ARMC3: variants seen among roughly 807,000 people sequenced by gnomAD.
ARMC3 encodes armadillo repeat containing 3, also known as armadillo repeat-containing protein 3.
ARMC3 carries 74 observed loss-of-function variants against 90.3 expected under a neutral mutation model. The observed-to-expected ratio is 0.82, with a 90% CI of 0.68 to 0.99. The LOEUF is 0.99. Ranked by LOEUF, ARMC3 falls within the 50% of genes least tolerant of loss-of-function variation. The pLI, the probability that ARMC3 is intolerant of heterozygous loss-of-function variation, is 0.00. For missense variants in ARMC3, 958 were observed against 1,042.8 expected (o/e 0.92, Z 1.12); for synonymous variants, 334 against 361.8 (o/e 0.92, Z 0.87).
chr10:22,978,300 T>C (rs1475969796), intron 8 of ARMC3, among the ~76,000 whole-genome samples: 1 of 152,188 alleles, frequency 6.6e-6, no homozygotes, highest in African/African-American at 2.4e-5. Flanking sequence ...AGGAAACTTA[T>C]AATCATGGCA....
intron 10 of ARMC3, among the ~76,000 whole-genome samples, chr10:22,996,749 C>T (rs534827020): frequency 1.3e-5 from 2 of 152,168 alleles, no homozygotes; most frequent in Non-Finnish European, 1.5e-5. Flanking sequence ...ACACCTATGG[C>T]TACCAGTCTC....
At position 22,928,121 on chromosome 10, in the gene ARMC3, G is replaced by A. The variant is rs137988681; in HGVS notation, c.-2+15G>A. 2,698 of 152,754 alleles carry A rather than the reference G, an allele frequency of 0.018. 38 individuals are homozygous for A. Among genetic ancestry groups the A allele is most frequent in the Middle Eastern group, 0.037 (11 of 300 alleles). 9.5% of individuals were successfully genotyped at this position (152,754 alleles called of 1,614,324 possible). A position where few individuals can be genotyped will look rare whatever the true frequency, so the allele number is the denominator to read the frequency against. ...TCTCCCGGCAGGTAAAGGTAACCCC[G>A]TGGGGTGGGGAGGCCCAAGGCAGAG... On this transcript the variant is annotated intron_variant, in intron 1 of 18. Transcript: ENST00000298032.
chr10:22,982,995 G>A (rs1588877959), intron 10 of ARMC3, among the ~76,000 whole-genome samples: 1 of 152,260 alleles, frequency 6.6e-6, no homozygotes, highest in East Asian at 1.9e-4. Flanking sequence ...TACAATCTTT[G>A]ACACAGTAAT....
intron 16 of ARMC3, among the ~76,000 whole-genome samples, chr10:23,012,299 C>G (rs1051549703): frequency 3.9e-5 from 6 of 152,130 alleles, no homozygotes; most frequent in African/African-American, 1.4e-4. Flanking sequence ...CTCATTAGAT[C>G]CATGTCGCTT....
intron 10 of ARMC3, among the ~76,000 whole-genome samples, chr10:22,982,601 C>T (rs947803820): frequency 2.0e-5 from 3 of 152,154 alleles, no homozygotes; most frequent in African/African-American, 4.8e-5. Flanking sequence ...AGCTGGAAAT[C>T]GATGCAGGTC....
At chr10:22,929,195 C>A (rs547269069) in intron 1 of ARMC3, among the ~76,000 whole-genome samples, 1 of 148,834 alleles carries the variant, frequency 6.7e-6, no homozygotes, top group African/African-American at 2.5e-5. Flanking sequence ...CACTCTCCAG[C>A]CTGGGCAACA....
Position 22,964,205 on chromosome 10 carries a change from CTT to C in ARMC3, c.732+2131_732+2132del, listed in dbSNP as rs566250063. ...ACTACATGGGGATAAATTTACCAAA[CTT>C]TTTGCAAAATCTATACACTGAAAAA... is the stretch of plus-strand genomic sequence containing the variant. On this transcript the variant is annotated intron_variant, in intron 7 of 18. Coordinates refer to ENST00000298032, the MANE Select transcript of ARMC3 (RefSeq NM_173081.5). Among the ~76,000 whole-genome samples the C allele has an allele frequency of 1.7e-4, 26 of 152,086 alleles. No homozygotes were observed. In the East Asian group the frequency reaches 5.0e-3, roughly 29 times the overall value.
chr10:23,020,401 C>T (rs1838464443), intron 16 of ARMC3, among the ~76,000 whole-genome samples: 1 of 152,200 alleles, frequency 6.6e-6, no homozygotes, highest in African/African-American at 2.4e-5. Flanking sequence ...TCCCAAAGTG[C>T]TGGGATTACA....
chr10:22,938,814 G>A lies in ARMC3; in HGVS notation c.48+6770G>A, dbSNP rs148764071. ...GAAAAGCAAGCAAGCAAGCCTAGTCGCCCAAGGAATTTCAACCCCCAAACC... is the reference window on the plus strand; with the variant it reads ...GAAAAGCAAGCAAGCAAGCCTAGTCACCCAAGGAATTTCAACCCCCAAACC... On this transcript the variant is annotated intron_variant, in intron 2 of 18. Coordinates refer to ENST00000298032, the MANE Select transcript of ARMC3 (RefSeq NM_173081.5). 2.2e-3 allele frequency among the ~76,000 whole-genome samples: 328 copies of A among 152,196 alleles called. 1 individual carries two copies. The highest frequency in any genetic ancestry group is 7.4e-3 in the African/African-American group (307 of 41,504).
intron 3 of ARMC3, 74 bp from the exon 4 acceptor site, chr10:22,955,733 T>C: frequency 6.6e-7 from 1 of 1,526,640 alleles, no homozygotes; most frequent in South Asian, 1.3e-5. Flanking sequence ...AATAAGAAAT[T>C]GGAATGGCAC....
At chr10:22,994,744 G>T (rs1333728811) in intron 10 of ARMC3, among the ~76,000 whole-genome samples, 1 of 152,196 alleles carries the variant, frequency 6.6e-6, no homozygotes, top group Non-Finnish European at 1.5e-5. Context: ...AGAGGATGCT[G>T]AATTGGATTC....
chr10:22,978,071 G>A (rs1294255764), intron 8 of ARMC3, among the ~76,000 whole-genome samples: 1 of 152,072 alleles, frequency 6.6e-6, no homozygotes, highest in Non-Finnish European at 1.5e-5. Context: ...CTCTATTTTG[G>A]TTATTTACCT....
Position 22,985,298 on chromosome 10 carries a change from C to T in ARMC3, c.1175+3598C>T, listed in dbSNP as rs563606800. Among the ~76,000 whole-genome samples, 3 of 152,224 alleles carry T rather than the reference C, an allele frequency of 2.0e-5. No homozygotes were observed. In the East Asian group the frequency reaches 5.8e-4, roughly 29 times the overall value. ...CTGCCATGTGACCCTCGGAGGTGTT[C>T]TCAGTGCCCCTTGGGGAAGGGGGGC... On this transcript the variant is annotated intron_variant, in intron 10 of 18. Transcript: ENST00000298032.
intron 2 of ARMC3, among the ~76,000 whole-genome samples, chr10:22,935,145 A>T (rs962666703): frequency 2.0e-5 from 3 of 152,188 alleles, no homozygotes; most frequent in Non-Finnish European, 4.4e-5. Flanking sequence ...ATGAGTCAGG[A>T]CTTTCTTTCC....
chr10:23,003,730 C>G (rs1283056326), intron 13 of ARMC3, among the ~76,000 whole-genome samples: 1 of 151,930 alleles, frequency 6.6e-6, no homozygotes, highest in Non-Finnish European at 1.5e-5. Context: ...GAGGCTGAAG[C>G]AGGAGGATTG....
At chr10:23,010,264 C>A (rs1040059997) in intron 16 of ARMC3, among the ~76,000 whole-genome samples, 1 of 143,332 alleles carries the variant, frequency 7.0e-6, no homozygotes, top group East Asian at 2.1e-4. Flanking sequence ...TCTTCTCTTC[C>A]TTTCCCTTCC....
chr10:22,941,027 A>C (rs993657116), intron 2 of ARMC3, among the ~76,000 whole-genome samples: 1 of 152,172 alleles, frequency 6.6e-6, no homozygotes, highest in Non-Finnish European at 1.5e-5. Flanking sequence ...AGAAAGGTAA[A>C]AACAAATGAG....
chr10:22,945,490 A>G (rs1016569114), intron 2 of ARMC3, among the ~76,000 whole-genome samples: 2 of 152,226 alleles, frequency 1.3e-5, no homozygotes, highest in African/African-American at 2.4e-5. Context: ...TTAGAGTCCT[A>G]TACTTTTCTT....
chr10:22,930,665 C>T lies in ARMC3; in HGVS notation c.-1-1331C>T, dbSNP rs146858283. ...GTATGTGATAAATTCTGGTCAGTGT[C>T]TCTAATGCTAGGAGTTGCTTTTGAC... On this transcript the variant is annotated intron_variant, in intron 1 of 18. Transcript: ENST00000298032. Among the ~76,000 whole-genome samples the T allele has an allele frequency of 7.2e-4, 109 of 152,244 alleles. 1 individual carries two copies. The East Asian group carries it at 0.014, about 20-fold the overall frequency.
Sources: gnomAD v4.1 joint callset for allele counts (sites outside exome capture counted in the v4.1 genomes callset) on GRCh38, gnomAD v4.1.1 for gene constraint, MANE v1.5 for transcripts, NCBI Gene and HGNC (gene_info 2026-07-23, HGNC 2026-07-21) for gene names.